DCUN1D1: variants seen among roughly 807,000 people sequenced by gnomAD.
DCUN1D1 encodes DCN1-like protein 1.
In DCUN1D1, 3 loss-of-function variants were observed where a neutral mutation model predicts 39.0. The observed-to-expected ratio is 0.08, with a 90% CI of 0.04 to 0.20. DCUN1D1 has a LOEUF of 0.20. Ranked by LOEUF, DCUN1D1 falls within the 10% of genes least tolerant of loss-of-function variation. The pLI is 1.00. For synonymous variants in DCUN1D1, 82 were observed against 96.3 expected (o/e 0.85, Z 0.87); for missense variants, 158 against 302.4 (o/e 0.52, Z 3.54).
chr3:182,961,513 C>T (rs751131725), intron 3 of DCUN1D1, among the ~76,000 whole-genome samples, 157 bp from the exon 4 acceptor site: 24 of 152,100 alleles, frequency 1.6e-4, no homozygotes, highest in Non-Finnish European at 2.5e-4. Context: ...AATATAAACA[C>T]GCATGGGGGT....
chr3:182,951,110 C>A (rs1036482180), intron 4 of DCUN1D1: 3 of 151,150 alleles, frequency 2.0e-5, no homozygotes, highest in African/African-American at 7.3e-5. Context: ...AATATTCCTT[C>A]CAGGTTGTTC....
At chr3:182,949,986 T>A (rs1726624346) in intron 4 of DCUN1D1, among the ~76,000 whole-genome samples, 1 of 152,178 alleles carries the variant, frequency 6.6e-6, no homozygotes. Context: ...TCTCCTTTCT[T>A]CTATCCAAGG....
intron 1 of DCUN1D1, among the ~76,000 whole-genome samples, chr3:182,969,134 C>T (rs1727812675): frequency 6.6e-6 from 1 of 152,146 alleles, no homozygotes; most frequent in Admixed American, 6.5e-5. Flanking sequence ...GCACTCTTAC[C>T]ACTTCTCTGT....
intron 2 of DCUN1D1, among the ~76,000 whole-genome samples, chr3:182,964,537 A>C (rs1035049978): frequency 3.3e-5 from 5 of 152,192 alleles, no homozygotes; most frequent in Non-Finnish European, 5.9e-5. Context: ...TAAAGAAAAA[A>C]ATCTATACTT....
rs1211291696 is a variant in DCUN1D1 at position 182,961,282 on chromosome 3, T to C, written c.464A>G (p.Lys155Arg). ...EQELKEPGRF[K>R]DFYQFTFNFA... ...ATTAAAAGTAAACTGGTAAAAATCCTTAAATCGTCCTGGTTCTTTCAATTC... is the reference window on the plus strand; with the variant it reads ...ATTAAAAGTAAACTGGTAAAAATCCCTAAATCGTCCTGGTTCTTTCAATTC... The change falls in exon 4 of 7, where the codon AAG becomes AGG. Residue 155 changes from lysine to arginine, a missense_variant. Transcript: ENST00000292782. 1.3e-6 allele frequency: 2 copies of C among 1,598,206 alleles called. No individual in the cohort carries two copies. The highest frequency in any genetic ancestry group is 2.7e-5 in the African/African-American group (2 of 74,538).
At chr3:182,951,498 C>G (rs1401284891) in intron 4 of DCUN1D1, among the ~76,000 whole-genome samples, 1 of 151,002 alleles carries the variant, frequency 6.6e-6, no homozygotes, top group African/African-American at 2.4e-5. Flanking sequence ...TGCCTGTAGT[C>G]CCAGCTACTC....
chr3:182,976,440 T>TACAC (rs1408876815), intron 1 of DCUN1D1, among the ~76,000 whole-genome samples: 9 of 93,198 alleles, frequency 9.7e-5, no homozygotes, highest in Admixed American at 1.3e-4. Flanking sequence ...TACATATACA[T>TACAC]ACATACACAC....
In DCUN1D1 at chr3:182,976,070, T is replaced by C. The variant is rs542672659; in HGVS notation, c.3+4417A>G. 5.9e-5 allele frequency among the ~76,000 whole-genome samples: 9 copies of C among 152,254 alleles called. No homozygotes were observed. In the South Asian group the frequency reaches 1.5e-3, roughly 25 times the overall value. ...TCAACAATCTATCAAAGAGGTTTGGTTGTGTTTTTATTAACCCTAGTGTGG... is the reference window on the plus strand; with the variant it reads ...TCAACAATCTATCAAAGAGGTTTGGCTGTGTTTTTATTAACCCTAGTGTGG... On this transcript the variant is annotated intron_variant, in intron 1 of 6. Coordinates refer to ENST00000292782, the MANE Select transcript of DCUN1D1 (RefSeq NM_020640.4).
At chr3:182,980,150 C>CGG in intron 1 of DCUN1D1, 1 of 776,088 alleles carries the variant, frequency 1.3e-6, no homozygotes, top group Non-Finnish European at 1.6e-6. Flanking sequence ...CCGTTGCCCC[C>CGG]TCCCCTCCCC....
At chr3:182,955,567 C>T (rs7641582) in intron 4 of DCUN1D1, 395,665 of 511,142 alleles carry the variant, frequency 0.77, 158,394 homozygotes, top group Non-Finnish European at 0.86. Flanking sequence ...TTCTTTACAG[C>T]GCTGACATAC....
rs1043058700 is a variant in DCUN1D1, at chr3:182,940,897, A to G, written c.*4197T>C. 1 of 152,222 alleles carries G rather than the reference A, an allele frequency of 6.6e-6. No homozygotes were observed. The highest frequency in any genetic ancestry group is 1.5e-5 in the Non-Finnish European group (1 of 68,028). The allele number at this position is 152,222 out of a possible 1,614,324, so 9.4% of individuals were successfully genotyped here. ...ACAACTATAACATGATTCCCTTTAA[A>G]TAATTTCCCTTTAAAACTCCATAAA... On this transcript the variant is annotated 3_prime_UTR_variant, in exon 7 of 7. Coordinates refer to ENST00000292782, the MANE Select transcript of DCUN1D1 (RefSeq NM_020640.4).
chr3:182,985,272 A>AC (rs573505778), upstream of DCUN1D1, among the ~76,000 whole-genome samples: 152 of 152,140 alleles, frequency 1.0e-3, no homozygotes, highest in African/African-American at 3.6e-3. Context: ...CTTTTGGCTC[A>AC]CCCCCCAGTG....
chr3:182,956,443 G>A (rs1283092840), intron 4 of DCUN1D1: 1 of 168,866 alleles, frequency 5.9e-6, no homozygotes, highest in Non-Finnish European at 1.3e-5. Flanking sequence ...CATAAGGCCT[G>A]AGATCTAGTC....
intron 1 of DCUN1D1, among the ~76,000 whole-genome samples, chr3:182,971,780 G>C (rs1326827763): frequency 6.6e-6 from 1 of 152,092 alleles, no homozygotes; most frequent in Non-Finnish European, 1.5e-5. Context: ...AAAAGTAGCA[G>C]AGCCAGAATG....
In DCUN1D1 at chr3:182,961,231, C is replaced by G. The variant is rs780854096; in HGVS notation, c.515G>C (p.Gly172Ala). The change falls in exon 4 of 7, where the codon GGA (glycine) becomes GCA (alanine). Residue 172 changes from glycine to alanine, a missense_variant. Physicochemically the swap from Gly to Ala is moderately conservative, Grantham distance 60. Around this residue, in one of 4 missense-constraint regions of DCUN1D1, gnomAD observed 107 missense variants for 174.7 expected, o/e 0.61. Transcript: ENST00000292782. Reference protein sequence around the residue: ...FNFAKNPGQKGLDLEMAIAYW... With the variant: ...FNFAKNPGQKALDLEMAIAYW... The stretch of plus-strand genomic sequence containing the variant: ...TAATTTTTAAAAATTCTTACCTAAT[C>G]CTTTTTGTCCTGGATTCTTTGCAAA... 1 of 1,519,386 alleles carries G rather than the reference C, an allele frequency of 6.6e-7. No individual in the cohort carries two copies. Among genetic ancestry groups the G allele is most frequent in the Non-Finnish European group, 9.0e-7 (1 of 1,114,602 alleles). 94.1% of individuals were successfully genotyped at this position (1,519,386 alleles called of 1,614,324 possible).
At chr3:182,953,136 C>T (rs1397294250) in intron 4 of DCUN1D1, among the ~76,000 whole-genome samples, 2 of 152,158 alleles carry the variant, frequency 1.3e-5, no homozygotes, top group African/African-American at 4.8e-5. Context: ...TGAAAATGTG[C>T]ATTCATTCTT....
intron 1 of DCUN1D1, among the ~76,000 whole-genome samples, chr3:182,975,498 G>T (rs1282986609): frequency 6.6e-6 from 1 of 151,716 alleles, no homozygotes; most frequent in Non-Finnish European, 1.5e-5. Flanking sequence ...AGAATTAACT[G>T]TACCTCCAAC....
At chr3:182,957,689 C>T (rs552680048) in intron 4 of DCUN1D1, among the ~76,000 whole-genome samples, 1 of 151,912 alleles carries the variant, frequency 6.6e-6, no homozygotes, top group East Asian at 1.9e-4. Context: ...AGAGGAAGCA[C>T]CCTATCCTGG....
intron 2 of DCUN1D1, among the ~76,000 whole-genome samples, chr3:182,964,423 A>G (rs1049142939): frequency 6.6e-6 from 1 of 152,200 alleles, no homozygotes; most frequent in Admixed American, 6.5e-5. Flanking sequence ...TTCTTAGAAC[A>G]AAGTTCATTT....
Sources: gnomAD v4.1 joint callset for allele counts (sites outside exome capture counted in the v4.1 genomes callset) on GRCh38, gnomAD v4.1.1 for gene constraint, gnomAD v4.1.1 regional missense constraint, MANE v1.5 for transcripts, NCBI Gene and HGNC (gene_info 2026-07-23, HGNC 2026-07-21) for gene names.